KCNQ2: variants seen among roughly 807,000 people sequenced by gnomAD.
KCNQ2 encodes potassium voltage-gated channel subfamily Q member 2, also known as potassium voltage-gated channel subfamily KQT member 2.
In KCNQ2, 14 loss-of-function variants were observed where a neutral mutation model predicts 84.8. That is an observed-to-expected ratio of 0.17 (90% CI 0.11 to 0.26). The LOEUF (loss-of-function observed/expected upper bound fraction) is 0.26. Ranked by LOEUF, KCNQ2 falls within the 10% of genes least tolerant of loss-of-function variation. The probability of loss-of-function intolerance (pLI) is 1.00; values close to 1 mark genes in which losing one functional copy is unlikely to be tolerated. For synonymous variants in KCNQ2, 599 were observed against 554.1 expected, an observed-to-expected ratio of 1.08 and a Z score of -1.14; for missense variants, 788 against 1,254.0, an observed-to-expected ratio of 0.63 and a Z score of 5.61.
intron 1 of KCNQ2, among the ~76,000 whole-genome samples, chr20:63,468,408 A>T (rs2082132994): frequency 6.6e-6 from 1 of 152,146 alleles, no homozygotes; most frequent in Non-Finnish European, 1.5e-5. Context: ...CCAAGAAGAG[A>T]GTGTCTGAAC....
At chr20:63,447,389 TC>T (rs1486199813) in intron 1 of KCNQ2, 1 of 155,194 alleles carries the variant, frequency 6.4e-6, no homozygotes, top group African/African-American at 2.4e-5. Context: ...CTTTCCAGCC[TC>T]GTCCTGGCTG....
At chr20:63,465,198 C>T (rs2082050039) in intron 1 of KCNQ2, among the ~76,000 whole-genome samples, 1 of 152,232 alleles carries the variant, frequency 6.6e-6, no homozygotes, top group Non-Finnish European at 1.5e-5. Context: ...TTCTCCTGGA[C>T]GAATTAAAAG....
chr20:63,412,097 TGGCGGGC>T, intron 15 of KCNQ2: 1 of 528,092 alleles, frequency 1.9e-6, no homozygotes, highest in Non-Finnish European at 3.4e-6. Context: ...CGGGAGCGGG[TGGCGGGC>T]GGCCCCACTG....
intron 12 of KCNQ2, among the ~76,000 whole-genome samples, chr20:63,417,864 C>T (rs2080343619): frequency 6.6e-6 from 1 of 152,248 alleles, no homozygotes; most frequent in Admixed American, 6.5e-5. Flanking sequence ...CAGCACAGCC[C>T]CAGGGGCCGC....
intron 3 of KCNQ2, 53 bp from the exon 4 acceptor site, chr20:63,444,887 T>G (rs1442170099): frequency 6.6e-7 from 1 of 1,519,786 alleles, no homozygotes; most frequent in Admixed American, 2.1e-5. Context: ...CCGCACCCCC[T>G]TGGAGAAAAC....
Position 63,472,214 on chromosome 20 carries a change from C to T in KCNQ2, c.250G>A (p.Val84Met). Residue 84 changes from valine (V) to methionine (M), a missense_variant, in exon 1 of 17, where the codon GTG becomes ATG. Physicochemically the swap from Val to Met is conservative, Grantham distance 21. Transcript: ENST00000359125. ...GCCCAGCCGCGCGGCCGCTCCAGCA[C>T]GTTGTAGAGGAAATTCTGCAGCTTG... Reference protein sequence around the residue: ...YRKLQNFLYNVLERPRGWAFI... With the variant: ...YRKLQNFLYNMLERPRGWAFI... The T allele has an allele frequency of 1.3e-6, 2 of 1,548,168 alleles. No homozygotes were observed. The highest frequency in any genetic ancestry group is 1.7e-6 in the Non-Finnish European group (2 of 1,148,288).
chr20:63,420,654 G>A (rs867716947), intron 11 of KCNQ2, among the ~76,000 whole-genome samples: 2 of 152,282 alleles, frequency 1.3e-5, no homozygotes, highest in East Asian at 1.9e-4. Flanking sequence ...GCAGCTCTCC[G>A]AGCGGCGTCA....
chr20:63,455,493 C>T (rs2081755970), intron 1 of KCNQ2, among the ~76,000 whole-genome samples: 1 of 152,122 alleles, frequency 6.6e-6, no homozygotes, highest in Admixed American at 6.5e-5. Context: ...GAGGCCATGG[C>T]GGGGATCAGG....
intron 5 of KCNQ2, among the ~76,000 whole-genome samples, chr20:63,441,418 G>A (rs140617994): frequency 0.012 from 1,835 of 152,248 alleles, 21 homozygotes; most frequent in South Asian, 0.022. Context: ...GGAGGGCACC[G>A]CGGCCACAGA....
intron 10 of KCNQ2, among the ~76,000 whole-genome samples, chr20:63,426,970 C>T (rs2080652164): frequency 6.6e-6 from 1 of 152,228 alleles, no homozygotes; most frequent in African/African-American, 2.4e-5. Flanking sequence ...CCTGTAATCC[C>T]AGCACTTTGG....
chr20:63,414,225 G>T lies in KCNQ2; in HGVS notation c.1526-32C>A. The T allele has an allele frequency of 6.6e-7, 1 of 1,515,994 alleles. No homozygotes were observed. Among genetic ancestry groups the T allele is most frequent in the Non-Finnish European group, 9.2e-7 (1 of 1,092,112 alleles). The allele number at this position is 1,515,994 out of a possible 1,614,324, so 93.9% of individuals were successfully genotyped here. On this transcript the variant is annotated intron_variant, in intron 13 of 16. Coordinates refer to ENST00000359125, the MANE Select transcript of KCNQ2 (RefSeq NM_172107.4). This position sits in a 1 kb window ranked among gnomAD's most constrained non-coding sequence, Gnocchi z 6.6. ...GGAAGGAGACAGGCCGTGAGGGGCC[G>T]AGGGGGCCGGGAGACCTATTCCCGG...
intron 1 of KCNQ2, among the ~76,000 whole-genome samples, chr20:63,449,914 G>A (rs770589131): frequency 1.3e-5 from 2 of 151,964 alleles, no homozygotes; most frequent in Non-Finnish European, 2.9e-5. Flanking sequence ...ATTGGAGCAC[G>A]TAATTGGGCC....
At chr20:63,455,270 G>A (rs2081748136) in intron 1 of KCNQ2, among the ~76,000 whole-genome samples, 1 of 152,206 alleles carries the variant, frequency 6.6e-6, no homozygotes, top group African/African-American at 2.4e-5. Flanking sequence ...CCTGGCAGCC[G>A]TTGCCAAGGA....
chr20:63,440,599 G>A (rs1371425119), intron 5 of KCNQ2, among the ~76,000 whole-genome samples: 2 of 152,204 alleles, frequency 1.3e-5, no homozygotes, highest in Admixed American at 6.5e-5. Context: ...CAGAGGGATC[G>A]AGGCCTGAGC....
chr20:63,433,909 G>C lies in KCNQ2; in HGVS notation c.1024-6C>G, dbSNP rs796052608. 1.9e-6 allele frequency: 3 copies of C among 1,613,030 alleles called. No individual in the cohort carries two copies. The African/African-American group carries it at 4.0e-5, about 21-fold the overall frequency. On this transcript the variant is annotated splice_region_variant and splice_polypyrimidine_tract_variant and intron_variant, in intron 7 of 16. Transcript: ENST00000359125. ...GCGTAGAATCTCCAGGCCGACTGCG[G>C]AGGGAAAGACAAGGCAGTTGGCGAG...
intron 11 of KCNQ2, chr20:63,423,792 G>A (rs573990215): frequency 3.7e-5 from 10 of 271,472 alleles, no homozygotes; most frequent in Non-Finnish European, 6.4e-5. Context: ...CACCCCAGCC[G>A]GCGTCGACTC....
chr20:63,419,704 G>A, intron 11 of KCNQ2, 32 bp from the exon 12 acceptor site: 1 of 1,593,698 alleles, frequency 6.3e-7, no homozygotes, highest in Non-Finnish European at 8.6e-7. Context: ...TTAGTCCTGG[G>A]CGCCGGCAAC....
At chr20:63,456,692 G>A (rs1050220363) in intron 1 of KCNQ2, among the ~76,000 whole-genome samples, 4 of 152,152 alleles carry the variant, frequency 2.6e-5, no homozygotes, top group African/African-American at 9.7e-5. Context: ...TCACAGTCGG[G>A]AAAACAGAGG....
chr20:63,430,329 G>A (rs1052547599), intron 9 of KCNQ2, among the ~76,000 whole-genome samples: 1 of 152,116 alleles, frequency 6.6e-6, no homozygotes, highest in Non-Finnish European at 1.5e-5. Context: ...TGCAGACATT[G>A]GAGATGTCTT....
Sources: gnomAD v4.1 joint callset for allele counts (sites outside exome capture counted in the v4.1 genomes callset) on GRCh38, gnomAD v4.1.1 for gene constraint, Gnocchi (gnomAD v3.1) non-coding constraint, MANE v1.5 for transcripts, NCBI Gene and HGNC (gene_info 2026-07-23, HGNC 2026-07-21) for gene names.